The following ESRRG variants were observed in gnomAD, a reference collection of about 807,000 sequenced individuals.
ESRRG encodes the protein estrogen related receptor gamma, also known as estrogen-related receptor gamma.
A neutral mutation model predicts 44.0 loss-of-function variants in ESRRG; 13 were observed. The observed-to-expected ratio is 0.30, with a 90% CI of 0.19 to 0.47. ESRRG has a LOEUF of 0.47. Among genes scored for constraint, ESRRG ranks in the 20% least tolerant of loss-of-function variants. The pLI is 1.00. For synonymous variants in ESRRG, 215 were observed against 214.6 expected, an observed-to-expected ratio of 1.00 and a Z score of -0.02; for missense variants, 395 against 580.6, an observed-to-expected ratio of 0.68 and a Z score of 3.29.
At position 216,506,562 on chromosome 1, in the gene ESRRG, G is replaced by A; in HGVS notation, c.*377C>T. 3 of 443,894 alleles carry A rather than the reference G, an allele frequency of 6.8e-6. No homozygotes were observed. The highest frequency in any genetic ancestry group is 4.9e-5 in the South Asian group (3 of 60,786). The allele number at this position is 443,894 out of a possible 1,614,324, so 27.5% of individuals were successfully genotyped here. A position where few individuals can be genotyped will look rare whatever the true frequency, so the allele number is the denominator to read the frequency against. ...ATTTCAAATTTAGAAAAAAGGGGAA[G>A]GATGAGAAAAGAGAGGAATGAGAGT... On this transcript the variant is annotated 3_prime_UTR_variant, in exon 7 of 7. Transcript: ENST00000408911.
At chr1:217,099,093 T>G (rs2092467155) in intron 1 of ESRRG, among the ~76,000 whole-genome samples, 1 of 152,190 alleles carries the variant, frequency 6.6e-6, no homozygotes, top group African/African-American at 2.4e-5. Flanking sequence ...GGCAGGGCAT[T>G]CTTCAGCTAT....
chr1:216,960,009 C>G (rs1438524038), intron 1 of ESRRG, among the ~76,000 whole-genome samples: 4 of 152,066 alleles, frequency 2.6e-5, no homozygotes, highest in Non-Finnish European at 5.9e-5. Flanking sequence ...ATTCATACAG[C>G]TGGTCGGTTC....
intron 2 of ESRRG, among the ~76,000 whole-genome samples, chr1:216,845,548 T>C (rs548663105): frequency 2.0e-5 from 3 of 152,292 alleles, no homozygotes; most frequent in African/African-American, 7.2e-5. Context: ...AGGTATTGCC[T>C]GTCAAGCTGT....
chr1:216,821,689 A>AAAAT lies in ESRRG; in HGVS notation c.-14+117889_-14+117892dup, dbSNP rs199753545. On this transcript the variant is annotated intron_variant, in intron 2 of 7. Coordinates refer to the ESRRG transcript ENST00000359162. ...GACAGAACAAGAACCTGCCTCAGGA[A>AAAAT]AAATAAATAAATAAATAAATAAATA... is the stretch of plus-strand genomic sequence containing the variant. 2.5e-3 allele frequency among the ~76,000 whole-genome samples: 284 copies of AAAAT among 113,116 alleles called. 15 individuals are homozygous for AAAAT. Among genetic ancestry groups the AAAAT allele is most frequent in the East Asian group, 7.7e-3 (30 of 3,918 alleles). 74.2% of individuals were successfully genotyped at this position (113,116 alleles called of 152,430 possible). A position where few individuals can be genotyped will look rare whatever the true frequency, so the allele number is the denominator to read the frequency against.
At chr1:216,913,592 C>T (rs536626470) in intron 2 of ESRRG, among the ~76,000 whole-genome samples, 5 of 152,306 alleles carry the variant, frequency 3.3e-5, no homozygotes, top group East Asian at 1.9e-4. Flanking sequence ...CAAGCGTGAG[C>T]GCTGCACTTT....
At chr1:217,052,341 C>G (rs1471541118) in intron 1 of ESRRG, among the ~76,000 whole-genome samples, 2 of 152,268 alleles carry the variant, frequency 1.3e-5, no homozygotes, top group African/African-American at 4.8e-5. Flanking sequence ...AAAATGATCT[C>G]CACATATCCA....
chr1:216,638,983 G>A (rs1345766906), intron 3 of ESRRG, among the ~76,000 whole-genome samples: 2 of 152,116 alleles, frequency 1.3e-5, no homozygotes, highest in Non-Finnish European at 2.9e-5. Flanking sequence ...TCCAAATTAC[G>A]TATGAATTGA....
chr1:217,068,556 C>A (rs1206190819), intron 1 of ESRRG, among the ~76,000 whole-genome samples: 4 of 152,056 alleles, frequency 2.6e-5, no homozygotes, highest in African/African-American at 9.7e-5. Flanking sequence ...TCTGAACAAG[C>A]CACATAATCT....
intron 1 of ESRRG, among the ~76,000 whole-genome samples, chr1:216,955,494 A>G (rs1340823674): frequency 6.6e-6 from 1 of 152,190 alleles, no homozygotes; most frequent in East Asian, 1.9e-4. Context: ...ATAGTGTTGC[A>G]ATAAACATAA....
chr1:216,566,590 T>C (rs1201173760), intron 4 of ESRRG, among the ~76,000 whole-genome samples: 1 of 152,172 alleles, frequency 6.6e-6, no homozygotes, highest in East Asian at 1.9e-4. Flanking sequence ...TTGCATAAAA[T>C]AAATGAGAAA....
At chr1:216,809,659 ATG>A (rs2094908397) in intron 2 of ESRRG, among the ~76,000 whole-genome samples, 1 of 152,188 alleles carries the variant, frequency 6.6e-6, no homozygotes, top group Non-Finnish European at 1.5e-5. Context: ...AACCTTGAAC[ATG>A]TGCAGAAAAC....
At chr1:216,561,483 T>A (rs1344016807) in intron 5 of ESRRG, among the ~76,000 whole-genome samples, 6 of 152,126 alleles carry the variant, frequency 3.9e-5, no homozygotes, top group Non-Finnish European at 1.5e-5. Flanking sequence ...GTTATCAGGA[T>A]TGGTTCATGT....
intron 2 of ESRRG, among the ~76,000 whole-genome samples, chr1:216,745,626 C>T (rs2091307332): frequency 6.6e-6 from 1 of 152,168 alleles, no homozygotes. Flanking sequence ...TCCAGTCTCT[C>T]AATGCGTGTA....
chr1:217,108,578 C>G (rs980250220), intron 1 of ESRRG, among the ~76,000 whole-genome samples: 1 of 152,000 alleles, frequency 6.6e-6, no homozygotes, highest in African/African-American at 2.4e-5. Flanking sequence ...TTAGCACTAT[C>G]CCCTTGGTGC....
chr1:216,992,760 T>G (rs2075895342), intron 1 of ESRRG, among the ~76,000 whole-genome samples: 1 of 152,204 alleles, frequency 6.6e-6, no homozygotes, highest in Non-Finnish European at 1.5e-5. Flanking sequence ...ACAAAGCTCA[T>G]GCAGGCTTAA....
chr1:217,055,238 A>G (rs1192442520), intron 1 of ESRRG, among the ~76,000 whole-genome samples: 1 of 152,016 alleles, frequency 6.6e-6, no homozygotes, highest in African/African-American at 2.4e-5. Context: ...GTTGTGCTGA[A>G]CCCCTATTAA....
At chr1:217,080,879 G>T (rs567118825) in intron 1 of ESRRG, among the ~76,000 whole-genome samples, 37 of 151,848 alleles carry the variant, frequency 2.4e-4, no homozygotes, top group African/African-American at 8.5e-4. Context: ...GGGTTTCACC[G>T]TGTTAGCCAG....
At chr1:216,618,911 G>A (rs1397371386) in intron 3 of ESRRG, among the ~76,000 whole-genome samples, 1 of 152,328 alleles carries the variant, frequency 6.6e-6, no homozygotes, top group East Asian at 1.9e-4. Flanking sequence ...CCATGCCATT[G>A]ACACAGGTCA....
At chr1:216,536,123 C>T (rs1194215143) in intron 5 of ESRRG, among the ~76,000 whole-genome samples, 2 of 152,086 alleles carry the variant, frequency 1.3e-5, no homozygotes, top group Non-Finnish European at 2.9e-5. Flanking sequence ...TATGCCAATC[C>T]TTTTAATGTA....
Sources: gnomAD v4.1 joint callset for allele counts (sites outside exome capture counted in the v4.1 genomes callset) on GRCh38, gnomAD v4.1.1 for gene constraint, MANE v1.5 for transcripts, NCBI Gene and HGNC (gene_info 2026-07-23, HGNC 2026-07-21) for gene names.